DNAH11: variants seen among roughly 807,000 people sequenced by gnomAD.
The protein encoded by DNAH11 is axonemal beta dynein heavy chain 11.
In DNAH11, 442 loss-of-function variants were observed where a neutral mutation model predicts 526.0. That is an observed-to-expected ratio of 0.84 (90% CI 0.78 to 0.91). DNAH11 has a LOEUF of 0.91. Ranked by LOEUF, DNAH11 falls within the 40% of genes least tolerant of loss-of-function variation. The pLI is 0.00. For missense variants in DNAH11, 6,989 were observed against 5,448.7 expected, an observed-to-expected ratio of 1.28 and a Z score of -8.90; for synonymous variants, 2,461 against 1,935.9, an observed-to-expected ratio of 1.27 and a Z score of -7.12.
chr7:21,669,691 T>C (rs1782566060), intron 30 of DNAH11, among the ~76,000 whole-genome samples: 1 of 151,712 alleles, frequency 6.6e-6, no homozygotes, highest in African/African-American at 2.4e-5. Flanking sequence ...GAGAGATAGA[T>C]GTTATTGCCT....
chr7:21,901,135 T>G lies in DNAH11; in HGVS notation c.13432T>G (p.Cys4478Gly), dbSNP rs1420795037. 6.2e-7 allele frequency: 1 copy of G among 1,613,178 alleles called. No homozygotes were observed. Among genetic ancestry groups the G allele is most frequent in the East Asian group, 2.2e-5 (1 of 44,866 alleles). Residue 4478 changes from cysteine (C) to glycine (G), a missense_variant, in exon 82 of 82, where the codon TGC becomes GGC. Transcript: ENST00000409508. Reference sequence around the variant, plus strand: ...ACAAGAAACCAAACAGACCTACGAGTGCCCTGTGTATAGAACCAAACTGAG... The same window carrying G: ...ACAAGAAACCAAACAGACCTACGAGGGCCCTGTGTATAGAACCAAACTGAG... ...DRQETKQTYECPVYRTKLRGP... is the reference protein window; with the variant it reads ...DRQETKQTYEGPVYRTKLRGP...
At chr7:21,760,360 G>T (rs1014775271) in intron 54 of DNAH11, among the ~76,000 whole-genome samples, 2 of 152,166 alleles carry the variant, frequency 1.3e-5, no homozygotes, top group East Asian at 1.9e-4. Context: ...TCCCAGCTCT[G>T]TTCTTTTGGG....
At chr7:21,707,318 G>C (rs1180595070) in intron 39 of DNAH11, among the ~76,000 whole-genome samples, 1 of 152,180 alleles carries the variant, frequency 6.6e-6, no homozygotes, top group African/African-American at 2.4e-5. Flanking sequence ...AAACAGTTCT[G>C]TTGTAGGCTA....
intron 65 of DNAH11, among the ~76,000 whole-genome samples, chr7:21,829,030 C>T (rs1790432899): frequency 6.6e-6 from 1 of 152,122 alleles, no homozygotes. Flanking sequence ...ACAGCCCTTC[C>T]CGCTGAGGTT....
chr7:21,595,688 G>T (rs536844855), intron 14 of DNAH11, among the ~76,000 whole-genome samples: 2 of 152,218 alleles, frequency 1.3e-5, no homozygotes, highest in South Asian at 4.2e-4. Flanking sequence ...GGAGTTGAGT[G>T]GGCTATTGGA....
intron 54 of DNAH11, among the ~76,000 whole-genome samples, chr7:21,763,357 G>GA (rs796469829): frequency 6.9e-5 from 3 of 43,754 alleles, no homozygotes; most frequent in South Asian, 7.6e-4. Flanking sequence ...AAAAAAAAAA[G>GA]AAAAAAAAAA....
chr7:21,574,743 T>C (rs1784020514), intron 8 of DNAH11, among the ~76,000 whole-genome samples: 1 of 151,154 alleles, frequency 6.6e-6, no homozygotes, highest in Admixed American at 6.6e-5. Flanking sequence ...TTTTTGTACT[T>C]TTAGTAGAGA....
Position 21,711,876 on chromosome 7 carries a change from T to C in DNAH11, c.6983+16T>C, listed in dbSNP as rs773016942. 6.3e-7 allele frequency: 1 copy of C among 1,590,696 alleles called. No homozygotes were observed. The highest frequency in any genetic ancestry group is 8.6e-7 in the Non-Finnish European group (1 of 1,167,230). ...GCTGGAATCCGTGAGTATTTCTTTT[T>C]GTTTTATTGTAGTAAATTGTATGTA... On this transcript the variant is annotated intron_variant, in intron 42 of 81. Coordinates refer to ENST00000409508, the MANE Select transcript of DNAH11 (RefSeq NM_001277115.2).
At chr7:21,623,931 A>G (rs932714284) in intron 25 of DNAH11, among the ~76,000 whole-genome samples, 2 of 151,726 alleles carry the variant, frequency 1.3e-5, no homozygotes, top group Admixed American at 6.6e-5. Flanking sequence ...TAACCTGCAC[A>G]TTGTGCACAT....
At position 21,850,520 on chromosome 7, in the gene DNAH11, T is replaced by A. The variant is rs537879703; in HGVS notation, c.10897-1947T>A. Among the ~76,000 whole-genome samples, 3 of 149,212 alleles carry A rather than the reference T, an allele frequency of 2.0e-5. No homozygotes were observed. In the East Asian group the frequency reaches 6.0e-4, roughly 30 times the overall value. ...TTTTCCATTAAACCCGTTAGCACATTAAGTAGTTATTTTTAACTCCCAGTT... is the reference window on the plus strand; with the variant it reads ...TTTTCCATTAAACCCGTTAGCACATAAAGTAGTTATTTTTAACTCCCAGTT... On this transcript the variant is annotated intron_variant, in intron 66 of 81. Transcript: ENST00000409508.
intron 70 of DNAH11, among the ~76,000 whole-genome samples, chr7:21,865,294 T>G (rs1783228761): frequency 6.6e-6 from 1 of 152,238 alleles, no homozygotes; most frequent in Non-Finnish European, 1.5e-5. Flanking sequence ...TGGAAATAAC[T>G]GTTACCTCTT....
intron 62 of DNAH11, among the ~76,000 whole-genome samples, chr7:21,805,519 T>C (rs1789223595): frequency 6.6e-6 from 1 of 152,138 alleles, no homozygotes; most frequent in Non-Finnish European, 1.5e-5. Context: ...GTTGAGAAAT[T>C]TCACCAGTAC....
intron 52 of DNAH11, among the ~76,000 whole-genome samples, chr7:21,748,968 G>A (rs1786283109): frequency 6.6e-6 from 1 of 152,154 alleles, no homozygotes; most frequent in African/African-American, 2.4e-5. Flanking sequence ...TTAATAACAT[G>A]TAAACCTGGC....
At chr7:21,860,421 T>C (rs12532166) in intron 68 of DNAH11, among the ~76,000 whole-genome samples, 62,763 of 151,990 alleles carry the variant, frequency 0.41, 13,645 homozygotes, top group Non-Finnish European at 0.48. Flanking sequence ...AATTACCATA[T>C]GATCAAGCAA....
At chr7:21,835,170 A>G (rs73073747) in intron 65 of DNAH11, among the ~76,000 whole-genome samples, 18,911 of 151,232 alleles carry the variant, frequency 0.13, 1,479 homozygotes, top group East Asian at 0.3. Flanking sequence ...TTTACTGCAG[A>G]ATTCTATCAA....
intron 2 of DNAH11, among the ~76,000 whole-genome samples, chr7:21,551,799 CT>C: frequency 6.6e-6 from 1 of 152,174 alleles, no homozygotes; most frequent in East Asian, 1.9e-4. Flanking sequence ...TGATGTCTCT[CT>C]TTTTCTCCTC....
At position 21,744,608 on chromosome 7, in the gene DNAH11, A is replaced by G. The variant is rs774000475; in HGVS notation, c.8316+9A>G. On this transcript the variant is annotated intron_variant, in intron 50 of 81. Coordinates refer to ENST00000409508, the MANE Select transcript of DNAH11 (RefSeq NM_001277115.2). ...CTTATAAATATTTTGAAGTAAGCGT[A>G]TGAATGTCAGAGGTCACTACTTACT... 1.9e-6 allele frequency: 3 copies of G among 1,612,408 alleles called. No homozygotes were observed. Among genetic ancestry groups the G allele is most frequent in the East Asian group, 4.5e-5 (2 of 44,870 alleles).
chr7:21,801,425 C>G (rs867530843), intron 62 of DNAH11, 150 bp downstream of exon 62: 1 of 1,093,144 alleles, frequency 9.1e-7, no homozygotes, highest in Non-Finnish European at 1.3e-6. Flanking sequence ...CTCTAACTCA[C>G]CAGAAGGAAG....
In DNAH11 at chr7:21,787,093, AG is replaced by A. The variant is rs1425130211; in HGVS notation, c.9742-306del. On this transcript the variant is annotated intron_variant, in intron 59 of 81. Transcript: ENST00000409508. ...GGAAAAATGTTGCTAATGTATAGGA[AG>A]GTGAAGCACAGGGGATTTTTGGTGT... 3.3e-5 allele frequency among the ~76,000 whole-genome samples: 5 copies of A among 152,348 alleles called. No homozygotes were observed. The South Asian group carries it at 8.3e-4, about 25-fold the overall frequency.
Sources: allele counts gnomAD v4.1 joint callset (sites outside exome capture counted in the v4.1 genomes callset), GRCh38; gene constraint gnomAD v4.1.1; transcripts MANE v1.5; gene names NCBI Gene and HGNC (gene_info 2026-07-23, HGNC 2026-07-21).